The following TRIM24 variants were observed in gnomAD, a reference collection of about 807,000 sequenced individuals.
TRIM24 encodes the protein transcription intermediary factor 1-alpha.
Under a neutral mutation model 123.9 loss-of-function variants are expected in TRIM24, and 29 were observed. That is an observed-to-expected ratio of 0.23 (90% CI 0.17 to 0.32). The LOEUF (loss-of-function observed/expected upper bound fraction) is 0.32, where lower values mean the gene tolerates loss of function less well. Among genes scored for constraint, TRIM24 ranks in the 10% least tolerant of loss-of-function variants. The pLI is 1.00. For synonymous variants in TRIM24, 456 were observed against 461.1 expected (o/e 0.99, Z 0.14); for missense variants, 932 against 1,295.3 (o/e 0.72, Z 4.31).
At position 138,585,962 on chromosome 7, in the gene TRIM24, G is replaced by A; in HGVS notation, c.*1011G>A. Reference sequence around the variant, plus strand: ...AATTTGGAATGAAAATGTGTTGTAGGATTTTGGGAGCAGGCAGCTGGGGGG... The same window carrying A: ...AATTTGGAATGAAAATGTGTTGTAGAATTTTGGGAGCAGGCAGCTGGGGGG... On this transcript the variant is annotated 3_prime_UTR_variant, in exon 19 of 19. Coordinates refer to ENST00000343526, the MANE Select transcript of TRIM24 (RefSeq NM_015905.3). 2.0e-6 allele frequency: 1 copy of A among 503,810 alleles called. No homozygotes were observed. The highest frequency in any genetic ancestry group is 4.0e-6 in the Non-Finnish European group (1 of 249,744). 31.2% of individuals were successfully genotyped at this position (503,810 alleles called of 1,614,324 possible).
intron 2 of TRIM24, among the ~76,000 whole-genome samples, chr7:138,507,575 A>T (rs996841011): frequency 6.6e-6 from 1 of 151,600 alleles, no homozygotes; most frequent in Admixed American, 6.6e-5. Context: ...CACCCACCTC[A>T]GCCTCCCAAA....
intron 6 of TRIM24, among the ~76,000 whole-genome samples, chr7:138,536,883 G>T (rs184608219): frequency 5.6e-4 from 85 of 152,278 alleles, no homozygotes; most frequent in African/African-American, 2.0e-3. Context: ...CTTCCTGGCC[G>T]CTTTGTTTAC....
At chr7:138,574,489 CAT>C (rs369994776) in intron 12 of TRIM24, among the ~76,000 whole-genome samples, 93 of 152,196 alleles carry the variant, frequency 6.1e-4, no homozygotes, top group African/African-American at 2.2e-3. Context: ...ATAAGGAACA[CAT>C]GTGGTATTGC....
At chr7:138,538,900 G>T in intron 7 of TRIM24, 97 bp downstream of exon 7, 2 of 1,106,784 alleles carry the variant, frequency 1.8e-6, no homozygotes, top group Non-Finnish European at 2.5e-6. Flanking sequence ...GTGCATCAGT[G>T]CTTTTTACCT....
chr7:138,516,598 G>A (rs182828608), intron 3 of TRIM24, among the ~76,000 whole-genome samples: 3 of 151,942 alleles, frequency 2.0e-5, no homozygotes, highest in East Asian at 1.9e-4. Context: ...CAAGTAATCC[G>A]CCAGCCTTGG....
intron 6 of TRIM24, among the ~76,000 whole-genome samples, chr7:138,536,188 C>A (rs1231251721): frequency 1.3e-5 from 2 of 151,952 alleles, no homozygotes; most frequent in Non-Finnish European, 2.9e-5. Context: ...GGAGGAGTTT[C>A]ATCGTCTAAA....
chr7:138,467,508 A>C (rs1795170566), intron 1 of TRIM24, among the ~76,000 whole-genome samples: 1 of 151,896 alleles, frequency 6.6e-6, no homozygotes, highest in African/African-American at 2.4e-5. Flanking sequence ...CGCCCAGCTG[A>C]TTTTTGTATT....
intron 1 of TRIM24, among the ~76,000 whole-genome samples, chr7:138,475,057 A>G (rs748925300): frequency 7.9e-5 from 12 of 152,240 alleles, no homozygotes; most frequent in Non-Finnish European, 1.5e-4. Flanking sequence ...CTGTTAGAGA[A>G]TTAAGTTTCA....
intron 1 of TRIM24, among the ~76,000 whole-genome samples, chr7:138,473,164 CA>C (rs1795311705): frequency 6.6e-6 from 1 of 152,170 alleles, no homozygotes; most frequent in Non-Finnish European, 1.5e-5. Context: ...CCTGTAGTTC[CA>C]GCTACTCGGG....
intron 4 of TRIM24, among the ~76,000 whole-genome samples, chr7:138,521,414 A>G (rs1031297922): frequency 6.6e-6 from 1 of 152,212 alleles, no homozygotes. Flanking sequence ...TGATATGTAA[A>G]AATCTGTTCT....
chr7:138,513,589 A>G (rs566038282), intron 2 of TRIM24, among the ~76,000 whole-genome samples: 5 of 151,994 alleles, frequency 3.3e-5, no homozygotes, highest in African/African-American at 9.7e-5. Context: ...ACACACTTAA[A>G]CAACTAGATC....
At chr7:138,497,840 G>A (rs1285356660) in intron 1 of TRIM24, among the ~76,000 whole-genome samples, 3 of 151,132 alleles carry the variant, frequency 2.0e-5, no homozygotes, top group South Asian at 2.1e-4. Flanking sequence ...ACAGGCACAC[G>A]CCACCATACC....
chr7:138,486,884 G>T (rs1449145654), intron 1 of TRIM24, among the ~76,000 whole-genome samples: 1 of 152,174 alleles, frequency 6.6e-6, no homozygotes, highest in East Asian at 1.9e-4. Context: ...GACAGTCATT[G>T]GTAACTTGAT....
rs753827260 is a variant in TRIM24, at chr7:138,579,344, T to C, written c.2397T>C (p.Asn799=). 9 of 1,614,146 alleles carry C rather than the reference T, an allele frequency of 5.6e-6. No homozygotes were observed. In the Admixed American group the frequency reaches 1.3e-4, roughly 24 times the overall value. The change falls in exon 15 of 19, where the codon AAT becomes AAC. Residue 799 remains asparagine (N), a synonymous_variant. Coordinates refer to ENST00000343526, the MANE Select transcript of TRIM24 (RefSeq NM_015905.3). ...QPGLHQDNSS[N]GKSEWLDPSQ... The stretch of plus-strand genomic sequence containing the variant: ...GACTTCACCAGGACAATTCCTCAAA[T>C]GGAAAGTCTGAATGGTTGGATCCTT...
At chr7:138,533,815 G>T (rs893541876) in intron 6 of TRIM24, among the ~76,000 whole-genome samples, 3 of 152,138 alleles carry the variant, frequency 2.0e-5, no homozygotes, top group African/African-American at 7.2e-5. Flanking sequence ...TGTACCTCTG[G>T]TAGAATTTGG....
chr7:138,537,602 C>G lies in TRIM24; in HGVS notation c.997-1055C>G, dbSNP rs190981297. 4.6e-5 allele frequency among the ~76,000 whole-genome samples: 7 copies of G among 152,178 alleles called. No individual in the cohort carries two copies. The South Asian group carries it at 8.3e-4, about 18-fold the overall frequency. On this transcript the variant is annotated intron_variant, in intron 6 of 18. Transcript: ENST00000343526. ...CCAAAGTAAACAATTTCTATTCCTA[C>G]TAGAATGTTTCCAAAGAAACACTTA...
At chr7:138,569,557 G>GA (rs894132026) in intron 10 of TRIM24, among the ~76,000 whole-genome samples, 13 of 152,070 alleles carry the variant, frequency 8.5e-5, no homozygotes, top group African/African-American at 2.9e-4. Flanking sequence ...CATGTACATA[G>GA]AAAAAAACCT....
At chr7:138,474,640 A>G (rs1161243409) in intron 1 of TRIM24, among the ~76,000 whole-genome samples, 1 of 152,208 alleles carries the variant, frequency 6.6e-6, no homozygotes, top group Non-Finnish European at 1.5e-5. Flanking sequence ...GGTATGTGGT[A>G]TGAGATATGG....
chr7:138,481,614 G>T (rs1016580166), intron 1 of TRIM24, among the ~76,000 whole-genome samples: 18 of 151,802 alleles, frequency 1.2e-4, no homozygotes, highest in African/African-American at 3.4e-4. Flanking sequence ...ACTAGTGTGG[G>T]CAACATAGGG....
Sources: allele counts gnomAD v4.1 joint callset (sites outside exome capture counted in the v4.1 genomes callset), GRCh38; gene constraint gnomAD v4.1.1; transcripts MANE v1.5; gene names NCBI Gene and HGNC (gene_info 2026-07-23, HGNC 2026-07-21).